ELMO1: variants seen among roughly 807,000 people sequenced by gnomAD.
The protein encoded by ELMO1 is engulfment and cell motility protein 1.
In ELMO1, 26 loss-of-function variants were observed where a neutral mutation model predicts 98.9. That is an observed-to-expected ratio of 0.26 (90% CI 0.19 to 0.36). The LOEUF is 0.36. Among genes scored for constraint, ELMO1 ranks in the 10% least tolerant of loss-of-function variants. The pLI, the probability that ELMO1 is intolerant of heterozygous loss-of-function variation, is 1.00. For synonymous variants in ELMO1, 346 were observed against 346.0 expected (o/e 1.00, Z 0.00); for missense variants, 627 against 935.2 (o/e 0.67, Z 4.30).
At chr7:37,035,856 T>C (rs541325340) in intron 15 of ELMO1, among the ~76,000 whole-genome samples, 2 of 152,342 alleles carry the variant, frequency 1.3e-5, no homozygotes, top group Non-Finnish European at 2.9e-5. Context: ...CTTGCAACAT[T>C]TGAGCTCACT....
At chr7:37,169,422 G>A (rs533847125) in intron 13 of ELMO1, among the ~76,000 whole-genome samples, 6 of 152,256 alleles carry the variant, frequency 3.9e-5, no homozygotes, top group East Asian at 1.9e-4. Flanking sequence ...GAAATCACCC[G>A]TCTTCTGCGT....
At chr7:37,440,087 T>A (rs28597682) in intron 1 of ELMO1, among the ~76,000 whole-genome samples, 7 of 151,924 alleles carry the variant, frequency 4.6e-5, no homozygotes, top group Admixed American at 2.6e-4. Flanking sequence ...CCAAAATTTC[T>A]GAGTAGTGGT....
intron 6 of ELMO1, among the ~76,000 whole-genome samples, chr7:37,245,125 G>A (rs193171702): frequency 5.9e-4 from 89 of 152,110 alleles, no homozygotes; most frequent in East Asian, 1.9e-4. Flanking sequence ...TGCCCAACTC[G>A]CTAAGTCCTA....
At chr7:37,098,530 A>C (rs1010408473) in intron 14 of ELMO1, among the ~76,000 whole-genome samples, 1 of 152,228 alleles carries the variant, frequency 6.6e-6, no homozygotes, top group African/African-American at 2.4e-5. Flanking sequence ...GGTATGTGAG[A>C]AAGAACATTC....
intron 1 of ELMO1, among the ~76,000 whole-genome samples, chr7:37,356,199 T>C (rs1228761075): frequency 2.6e-5 from 4 of 152,290 alleles, no homozygotes; most frequent in Non-Finnish European, 4.4e-5. Flanking sequence ...ATCTAGTCTA[T>C]CATTGATGGG....
intron 1 of ELMO1, among the ~76,000 whole-genome samples, chr7:37,368,382 A>T (rs1164108333): frequency 6.6e-6 from 1 of 152,198 alleles, no homozygotes; most frequent in Non-Finnish European, 1.5e-5. Flanking sequence ...TAATAAAACA[A>T]GAAGATAGTG....
At chr7:37,412,043 A>C (rs10240164) in intron 1 of ELMO1, among the ~76,000 whole-genome samples, 25,381 of 151,844 alleles carry the variant, frequency 0.17, 2,290 homozygotes, top group South Asian at 0.26. Context: ...CACACACACA[A>C]AAACACACAC....
At chr7:36,876,459 G>GT (rs1387543010) in intron 19 of ELMO1, among the ~76,000 whole-genome samples, 2 of 147,348 alleles carry the variant, frequency 1.4e-5, no homozygotes, top group African/African-American at 2.5e-5. Flanking sequence ...TAAACTTTTT[G>GT]TTTTTTTAAA....
chr7:37,206,544 G>A, intron 13 of ELMO1, among the ~76,000 whole-genome samples: 1 of 152,140 alleles, frequency 6.6e-6, no homozygotes, highest in East Asian at 1.9e-4. Context: ...TCTATTTGCT[G>A]AAAAAATATT....
intron 4 of ELMO1, among the ~76,000 whole-genome samples, chr7:37,294,593 A>T (rs1323216934): frequency 6.6e-6 from 1 of 152,230 alleles, no homozygotes; most frequent in Admixed American, 6.5e-5. Context: ...AGCCCCACAC[A>T]AATACATGCA....
chr7:37,393,415 T>C (rs1001859621), intron 1 of ELMO1, among the ~76,000 whole-genome samples: 19 of 152,208 alleles, frequency 1.2e-4, no homozygotes, highest in Non-Finnish European at 2.8e-4. Flanking sequence ...TAATGTACTT[T>C]ATAGTAAATT....
intron 4 of ELMO1, among the ~76,000 whole-genome samples, chr7:37,309,258 C>G (rs546416945): frequency 6.6e-6 from 1 of 152,112 alleles, no homozygotes; most frequent in Non-Finnish European, 1.5e-5. Context: ...AGGGGTTTCC[C>G]CTTATAGAAC....
At chr7:37,356,826 AT>A (rs1801518626) in intron 1 of ELMO1, among the ~76,000 whole-genome samples, 1 of 152,156 alleles carries the variant, frequency 6.6e-6, no homozygotes, top group South Asian at 2.1e-4. Flanking sequence ...TCCTTTAAGC[AT>A]TTCTTAATAA....
chr7:37,215,576 C>A (rs1266834038), intron 11 of ELMO1, among the ~76,000 whole-genome samples: 1 of 152,252 alleles, frequency 6.6e-6, no homozygotes, highest in Non-Finnish European at 1.5e-5. Context: ...CCTAACCACC[C>A]AGGGCCAGGT....
intron 15 of ELMO1, among the ~76,000 whole-genome samples, chr7:37,030,550 C>T (rs1206182961): frequency 1.3e-5 from 2 of 152,012 alleles, no homozygotes; most frequent in Non-Finnish European, 1.5e-5. Context: ...GACATTCTAT[C>T]GAGTGTGTAT....
At chr7:36,936,832 G>C (rs984778347) in intron 16 of ELMO1, among the ~76,000 whole-genome samples, 1 of 152,146 alleles carries the variant, frequency 6.6e-6, no homozygotes, top group East Asian at 1.9e-4. Flanking sequence ...AAAGATATCT[G>C]TTAGGATTTT....
At chr7:37,421,856 C>T (rs962484516) in intron 1 of ELMO1, among the ~76,000 whole-genome samples, 1 of 152,196 alleles carries the variant, frequency 6.6e-6, no homozygotes, top group Non-Finnish European at 1.5e-5. Flanking sequence ...ACTGGCCCCT[C>T]TGCTTGGAGT....
intron 13 of ELMO1, among the ~76,000 whole-genome samples, chr7:37,134,008 A>G (rs1471313752): frequency 6.6e-6 from 1 of 152,372 alleles, no homozygotes; most frequent in African/African-American, 2.4e-5. Flanking sequence ...CAACAAGCAT[A>G]TGGAAGAATG....
At chr7:37,359,572 C>T (rs776018901) in intron 1 of ELMO1, among the ~76,000 whole-genome samples, 1 of 152,212 alleles carries the variant, frequency 6.6e-6, no homozygotes, top group Non-Finnish European at 1.5e-5. Flanking sequence ...AAGGCGCTAT[C>T]ATAATCCCCA....
Sources: allele counts gnomAD v4.1 joint callset (sites outside exome capture counted in the v4.1 genomes callset), GRCh38; gene constraint gnomAD v4.1.1; transcripts MANE v1.5; gene names NCBI Gene and HGNC (gene_info 2026-07-23, HGNC 2026-07-21).